Variants in ROBO2 observed in about 807,000 individuals in gnomAD.
The protein encoded by ROBO2 is roundabout guidance receptor 2.
Under a neutral mutation model 160.8 loss-of-function variants are expected in ROBO2, and 53 were observed. The observed-to-expected ratio is 0.33, with a 90% CI of 0.26 to 0.41. The LOEUF (loss-of-function observed/expected upper bound fraction) is 0.41, where lower values mean the gene tolerates loss of function less well. Ranked by LOEUF, ROBO2 falls within the 10% of genes least tolerant of loss-of-function variation. The pLI, the probability that ROBO2 is intolerant of heterozygous loss-of-function variation, is 1.00. For missense variants in ROBO2, 1,577 were observed against 1,722.4 expected (o/e 0.92, Z 1.49); for synonymous variants, 664 against 611.7 (o/e 1.09, Z -1.26).
chr3:77,511,632 C>T lies in ROBO2; in HGVS notation c.807-11143C>T, dbSNP rs183072152. ...AGGGGTTTGCGTTTTTCAGTCAGGC[C>T]GAAGAGAGAGCCAGTGGTCACTGGA... On this transcript the variant is annotated intron_variant, in intron 5 of 25. Coordinates refer to ENST00000461745, the Ensembl canonical transcript of ROBO2. Among the ~76,000 whole-genome samples the T allele has an allele frequency of 3.2e-3, 480 of 151,868 alleles. 3 individuals carry two copies. Among genetic ancestry groups the T allele is most frequent in the Non-Finnish European group, 5.8e-3 (397 of 67,906 alleles).
At chr3:76,602,671 C>A (rs902644357) in intron 2 of ROBO2, among the ~76,000 whole-genome samples, 3 of 152,180 alleles carry the variant, frequency 2.0e-5, no homozygotes, top group Non-Finnish European at 2.9e-5. Context: ...GGGCTCCTCC[C>A]ATGACAGGTG....
intron 2 of ROBO2, among the ~76,000 whole-genome samples, chr3:76,472,493 A>G (rs1256701625): frequency 1.3e-5 from 2 of 152,160 alleles, no homozygotes; most frequent in Non-Finnish European, 2.9e-5. Context: ...ACATTAATAA[A>G]TAACAATTGG....
At chr3:77,267,135 G>GT (rs2059175051) in intron 2 of ROBO2, among the ~76,000 whole-genome samples, 1 of 152,146 alleles carries the variant, frequency 6.6e-6, no homozygotes, top group African/African-American at 2.4e-5. Flanking sequence ...ATTCAATGAT[G>GT]TTAACTATTG....
chr3:76,672,101 G>A (rs979035339), intron 2 of ROBO2, among the ~76,000 whole-genome samples: 3 of 151,514 alleles, frequency 2.0e-5, no homozygotes, highest in Admixed American at 6.6e-5. Context: ...TATTTTTTTC[G>A]AATACGTATC....
intron 2 of ROBO2, among the ~76,000 whole-genome samples, chr3:76,169,881 T>C (rs2106987842): frequency 6.6e-6 from 1 of 152,142 alleles, no homozygotes; most frequent in East Asian, 1.9e-4. Flanking sequence ...CCTGGGTTCA[T>C]GTCATTCTCC....
At chr3:76,383,612 G>A (rs1362962208) in intron 2 of ROBO2, among the ~76,000 whole-genome samples, 4 of 152,076 alleles carry the variant, frequency 2.6e-5, no homozygotes, top group African/African-American at 9.7e-5. Context: ...CATTTGATGT[G>A]TGTTAAGAGT....
At chr3:77,459,174 T>G (rs115816779) in intron 2 of ROBO2, among the ~76,000 whole-genome samples, 1,684 of 152,314 alleles carry the variant, frequency 0.011, 33 homozygotes, top group African/African-American at 0.036. Flanking sequence ...ACATGAAATT[T>G]AGAAGTTAGT....
intron 2 of ROBO2, among the ~76,000 whole-genome samples, chr3:76,604,683 A>G (rs900499693): frequency 2.0e-5 from 3 of 152,144 alleles, no homozygotes; most frequent in African/African-American, 7.2e-5. Context: ...TAGTTATGCT[A>G]CTCAAATGCC....
intron 2 of ROBO2, among the ~76,000 whole-genome samples, chr3:76,085,278 G>C (rs998316510): frequency 6.6e-6 from 1 of 152,060 alleles, no homozygotes; most frequent in Admixed American, 6.6e-5. Flanking sequence ...ACAAATGTTT[G>C]ATTCTTATCT....
chr3:76,718,427 T>G (rs1243196246), intron 2 of ROBO2, among the ~76,000 whole-genome samples: 3 of 152,246 alleles, frequency 2.0e-5, no homozygotes, highest in African/African-American at 7.2e-5. Flanking sequence ...TCAAATTCTG[T>G]TTCCATTGCC....
At chr3:77,592,094 C>G in intron 17 of ROBO2, among the ~76,000 whole-genome samples, 1 of 152,020 alleles carries the variant, frequency 6.6e-6, no homozygotes, top group Non-Finnish European at 1.5e-5. Flanking sequence ...AAAAAGTGTT[C>G]CCTGTTTTTC....
At chr3:76,619,348 A>AAG (rs1361969388) in intron 2 of ROBO2, among the ~76,000 whole-genome samples, 1 of 151,806 alleles carries the variant, frequency 6.6e-6, no homozygotes, top group Non-Finnish European at 1.5e-5. Context: ...TCAAAAAAAA[A>AAG]AAAAGAAAAA....
chr3:76,852,607 A>G (rs1218927174), intron 2 of ROBO2, among the ~76,000 whole-genome samples: 2 of 152,180 alleles, frequency 1.3e-5, no homozygotes, highest in East Asian at 1.9e-4. Context: ...AAGTATTTTA[A>G]GAGAGAGAAA....
chr3:77,497,296 G>T (rs960701897), intron 5 of ROBO2, among the ~76,000 whole-genome samples: 1 of 152,076 alleles, frequency 6.6e-6, no homozygotes, highest in African/African-American at 2.4e-5. Context: ...TAACACTAAC[G>T]TGAGAATAAA....
At chr3:77,164,723 C>A (rs1413982653) in intron 2 of ROBO2, among the ~76,000 whole-genome samples, 1 of 93,198 alleles carries the variant, frequency 1.1e-5, no homozygotes, top group Middle Eastern at 0.013. Flanking sequence ...GGGTGTCAGC[C>A]CTCCGCCCGG....
At chr3:76,655,438 C>CCATATA (rs1553854481) in intron 2 of ROBO2, among the ~76,000 whole-genome samples, 1 of 15,010 alleles carries the variant, frequency 6.7e-5, no homozygotes, top group Admixed American at 8.7e-4. Flanking sequence ...GGATTTTTTT[C>CCATATA]CATATATATA....
At chr3:76,848,188 G>A (rs1240602434) in intron 2 of ROBO2, among the ~76,000 whole-genome samples, 1 of 151,966 alleles carries the variant, frequency 6.6e-6, no homozygotes, top group African/African-American at 2.4e-5. Context: ...CCTAATTTTG[G>A]TATATTGCAT....
chr3:76,244,815 T>TA (rs1440271452), intron 2 of ROBO2, among the ~76,000 whole-genome samples: 1 of 152,128 alleles, frequency 6.6e-6, no homozygotes, highest in Non-Finnish European at 1.5e-5. Context: ...CAAAATGCTA[T>TA]AAAAAATTCA....
intron 2 of ROBO2, among the ~76,000 whole-genome samples, chr3:76,068,180 G>A (rs1233582182): frequency 6.6e-6 from 1 of 152,144 alleles, no homozygotes; most frequent in African/African-American, 2.4e-5. Context: ...GACTTTGCAG[G>A]TAGAGAGGCC....
Sources: allele counts gnomAD v4.1 joint callset (sites outside exome capture counted in the v4.1 genomes callset), GRCh38; gene constraint gnomAD v4.1.1; transcripts MANE v1.5; gene names NCBI Gene and HGNC (gene_info 2026-07-23, HGNC 2026-07-21).